KHDRBS2: variants seen among roughly 807,000 people sequenced by gnomAD.
KHDRBS2 encodes KH domain-containing, RNA-binding, signal transduction-associated protein 2.
Under a neutral mutation model 44.3 loss-of-function variants are expected in KHDRBS2, and 26 were observed. That is an observed-to-expected ratio of 0.59 (90% CI 0.43 to 0.81). The LOEUF is 0.81. KHDRBS2 is among the 40% of genes least tolerant of loss of function. The pLI is 0.00. For missense variants in KHDRBS2, 476 were observed against 433.1 expected (o/e 1.10, Z -0.88); for synonymous variants, 194 against 151.1 (o/e 1.28, Z -2.08).
chr6:61,780,487 T>C (rs1392319785), intron 6 of KHDRBS2, among the ~76,000 whole-genome samples: 1 of 152,094 alleles, frequency 6.6e-6, no homozygotes, highest in African/African-American at 2.4e-5. Flanking sequence ...CCAGACTCTT[T>C]CTGGAAGAGT....
chr6:62,215,066 GGTCT>G lies in KHDRBS2; in HGVS notation c.92-37758_92-37755del, dbSNP rs1326682184. 9.2e-5 allele frequency among the ~76,000 whole-genome samples: 14 copies of G among 151,880 alleles called. 1 individual carries two copies. Among genetic ancestry groups the G allele is most frequent in the Admixed American group, 3.9e-4 (6 of 15,232 alleles). On this transcript the variant is annotated intron_variant, in intron 1 of 8. Coordinates refer to ENST00000281156, the MANE Select transcript of KHDRBS2 (RefSeq NM_152688.4). ...ATTGTTTCCTTAGAAAGCTAACAGAGGTCTGTCTAACAGGTAGCATACCTTTTCT... is the reference window on the plus strand; with the variant it reads ...ATTGTTTCCTTAGAAAGCTAACAGAGGTCTAACAGGTAGCATACCTTTTCT...
chr6:62,176,899 A>G (rs1396591415), intron 2 of KHDRBS2, among the ~76,000 whole-genome samples: 2 of 151,316 alleles, frequency 1.3e-5, no homozygotes, highest in Non-Finnish European at 3.0e-5. Flanking sequence ...GTGGGTGTAC[A>G]TATTTGGAAA....
At chr6:61,886,090 C>T (rs1423462943) in intron 6 of KHDRBS2, among the ~76,000 whole-genome samples, 1 of 152,090 alleles carries the variant, frequency 6.6e-6, no homozygotes, top group Non-Finnish European at 1.5e-5. Flanking sequence ...TTCCCTAAAT[C>T]TTCTTCCTTC....
chr6:62,018,814 G>C (rs1311640218), intron 3 of KHDRBS2, among the ~76,000 whole-genome samples: 1 of 152,064 alleles, frequency 6.6e-6, no homozygotes, highest in Non-Finnish European at 1.5e-5. Flanking sequence ...CCATTAAATA[G>C]TACAGATTTT....
intron 7 of KHDRBS2, among the ~76,000 whole-genome samples, chr6:61,715,159 T>C (rs575476998): frequency 6.6e-6 from 1 of 151,910 alleles, no homozygotes; most frequent in East Asian, 2.0e-4. Flanking sequence ...TTTTTTAACA[T>C]GCAAATTGAC....
At chr6:62,197,914 C>G (rs943206149) in intron 1 of KHDRBS2, among the ~76,000 whole-genome samples, 3 of 152,032 alleles carry the variant, frequency 2.0e-5, no homozygotes, top group African/African-American at 4.8e-5. Context: ...AATCAAACTA[C>G]AACTCAGCAT....
intron 7 of KHDRBS2, among the ~76,000 whole-genome samples, chr6:61,713,334 T>A (rs1202640728): frequency 6.6e-6 from 1 of 151,676 alleles, no homozygotes; most frequent in African/African-American, 2.4e-5. Context: ...AAATTCTAAT[T>A]ATAAAAAATA....
chr6:61,738,114 T>C (rs1775652058), intron 6 of KHDRBS2, among the ~76,000 whole-genome samples: 1 of 152,028 alleles, frequency 6.6e-6, no homozygotes, highest in Admixed American at 6.6e-5. Flanking sequence ...AGACATTACT[T>C]TCTTATCATG....
At chr6:61,697,083 T>A (rs1767986959) in intron 8 of KHDRBS2, 112 bp downstream of exon 8, 2 of 767,296 alleles carry the variant, frequency 2.6e-6, no homozygotes, top group Non-Finnish European at 4.6e-6. Context: ...CATGAATCAA[T>A]TTAGTCTAGA....
chr6:61,687,991 T>G (rs1485890016), intron 8 of KHDRBS2, among the ~76,000 whole-genome samples: 1 of 151,864 alleles, frequency 6.6e-6, no homozygotes, highest in Non-Finnish European at 1.5e-5. Context: ...TTCTAGTCCC[T>G]GTCCTATACA....
At chr6:62,067,785 A>G (rs1794091361) in intron 2 of KHDRBS2, among the ~76,000 whole-genome samples, 1 of 151,476 alleles carries the variant, frequency 6.6e-6, no homozygotes, top group South Asian at 2.1e-4. Flanking sequence ...ATCTCTATAC[A>G]TTTGCTTAGT....
the KHDRBS2 span, among the ~76,000 whole-genome samples, chr6:61,544,283 T>C: frequency 6.6e-6 from 1 of 152,048 alleles, no homozygotes; most frequent in Non-Finnish European, 1.5e-5. Flanking sequence ...AGCATTATTC[T>C]TACCAAATTA....
At chr6:62,139,657 A>C (rs1812357524) in intron 2 of KHDRBS2, among the ~76,000 whole-genome samples, 2 of 152,222 alleles carry the variant, frequency 1.3e-5, no homozygotes, top group African/African-American at 4.8e-5. Context: ...TATTGATTCA[A>C]TATACATATT....
rs559348668 is a variant in KHDRBS2 at position 61,763,919 on chromosome 6, A to T, written c.811-31155T>A. 2.6e-5 allele frequency among the ~76,000 whole-genome samples: 4 copies of T among 152,096 alleles called. No individual in the cohort carries two copies. The South Asian group carries it at 8.3e-4, about 32-fold the overall frequency. ...ATGGTGGTTTGCTGCACCTATCAAC[A>T]CCCATCACCTAGTTATTAAGCCCCG... On this transcript the variant is annotated intron_variant, in intron 6 of 8. Transcript: ENST00000281156.
At position 61,816,932 on chromosome 6, in the gene KHDRBS2, C is replaced by T. The variant is rs1458250638; in HGVS notation, c.810+77703G>A. On this transcript the variant is annotated intron_variant, in intron 6 of 8. Transcript: ENST00000281156. ...AGAAGTTAGTCATTTCCATCTTTAG[C>T]ATTTCTACTTGAGACAACTTACCTG... 8 of 455,568 alleles carry T rather than the reference C, an allele frequency of 1.8e-5. No homozygotes were observed. The Admixed American group carries it at 1.9e-4, about 11-fold the overall frequency. The allele number at this position is 455,568 out of a possible 1,614,324, so 28.2% of individuals were successfully genotyped here.
intron 4 of KHDRBS2, among the ~76,000 whole-genome samples, chr6:61,969,855 G>A (rs754469228): frequency 1.3e-5 from 2 of 151,616 alleles, no homozygotes; most frequent in East Asian, 1.9e-4. Context: ...GTTGGAGGCC[G>A]TAGAATTCTA....
At chr6:61,876,859 C>T (rs1009440769) in intron 6 of KHDRBS2, among the ~76,000 whole-genome samples, 8 of 151,866 alleles carry the variant, frequency 5.3e-5, no homozygotes, top group Non-Finnish European at 1.2e-4. Context: ...ACTTAAAATT[C>T]CAGGGACTTC....
Position 62,085,343 on chromosome 6 carries a change from T to C in KHDRBS2, c.220-37349A>G, listed in dbSNP as rs73489261. On this transcript the variant is annotated intron_variant, in intron 2 of 8. Coordinates refer to ENST00000281156, the MANE Select transcript of KHDRBS2 (RefSeq NM_152688.4). ...CATGAAAAATATGTGGAGTGAGATA[T>C]AAAAAGCATAGGAAATAAGGCTGAG... Among the ~76,000 whole-genome samples the C allele has an allele frequency of 8.2e-3, 1,240 of 151,880 alleles. 15 individuals are homozygous for C. Among genetic ancestry groups the C allele is most frequent in the African/African-American group, 0.029 (1,198 of 41,410 alleles).
chr6:61,597,670 T>C, the KHDRBS2 span, among the ~76,000 whole-genome samples: 15 of 141,450 alleles, frequency 1.1e-4, no homozygotes, highest in Admixed American at 1.1e-3. Flanking sequence ...GAATGAGTCC[T>C]AGAGGAGCCA....
Sources: allele counts gnomAD v4.1 joint callset (sites outside exome capture counted in the v4.1 genomes callset), GRCh38; gene constraint gnomAD v4.1.1; transcripts MANE v1.5; gene names NCBI Gene and HGNC (gene_info 2026-07-23, HGNC 2026-07-21).